PARVG: variants seen among roughly 807,000 people sequenced by gnomAD.
PARVG encodes gamma-parvin.
Under a neutral mutation model 44.4 loss-of-function variants are expected in PARVG, and 36 were observed. That is an observed-to-expected ratio of 0.81 (90% CI 0.62 to 1.07). PARVG has a LOEUF of 1.07. PARVG is among the 50% of genes least tolerant of loss of function. The pLI is 0.00. For missense variants in PARVG, 407 were observed against 407.4 expected, an observed-to-expected ratio of 1.00 and a Z score of 0.01; for synonymous variants, 170 against 174.1, an observed-to-expected ratio of 0.98 and a Z score of 0.19.
chr22:44,201,416 A>G (rs1000462520), intron 12 of PARVG, among the ~76,000 whole-genome samples: 5 of 151,992 alleles, frequency 3.3e-5, no homozygotes, highest in Non-Finnish European at 1.5e-5. Context: ...TGCCGCCCGC[A>G]GCCTGCCATG....
chr22:44,178,387 AG>A (rs1487735808), upstream of PARVG, among the ~76,000 whole-genome samples: 1 of 152,204 alleles, frequency 6.6e-6, no homozygotes, highest in African/African-American at 2.4e-5. Context: ...ACCCAGACAG[AG>A]CCAGGTCTCA....
intron 6 of PARVG, among the ~76,000 whole-genome samples, chr22:44,190,266 GGTT>G (rs1164225747): frequency 6.6e-6 from 1 of 152,206 alleles, no homozygotes; most frequent in Non-Finnish European, 1.5e-5. Flanking sequence ...GAGGTCACTT[GGTT>G]GTTTCCGATT....
chr22:44,181,122 C>A lies in PARVG; in HGVS notation c.-252C>A. 3 of 457,924 alleles carry A rather than the reference C, an allele frequency of 6.6e-6. No homozygotes were observed. Among genetic ancestry groups the A allele is most frequent in the Non-Finnish European group, 8.6e-6 (3 of 347,662 alleles). 28.4% of individuals were successfully genotyped at this position (457,924 alleles called of 1,614,324 possible). On this transcript the variant is annotated 5_prime_UTR_variant, in exon 1 of 14. Transcript: ENST00000444313. ...TGGAAAGCCTTCCCGATCCCCTTGG[C>A]AACAACCACCACCAATATTTATTCA...
Position 44,190,597 on chromosome 22 carries a change from C to T in PARVG, c.435C>T (p.Ala145=). Residue 145 remains alanine (A), a synonymous_variant, in exon 7 of 14, where the codon GCC becomes GCT. Coordinates refer to ENST00000444313, the MANE Select transcript of PARVG (RefSeq NM_022141.7). ...DLLSTLHLLV[A]LAKRFQPDLS... is the part of the protein sequence containing the mutation. Reference sequence around the variant, plus strand: ...TGTCTACCCTGCACCTCCTTGTGGCCCTGGCCAAGCGCTTCCAGCCCGACC... The same window carrying T: ...TGTCTACCCTGCACCTCCTTGTGGCTCTGGCCAAGCGCTTCCAGCCCGACC... 6.2e-7 allele frequency: 1 copy of T among 1,614,158 alleles called. No individual in the cohort carries two copies. Among genetic ancestry groups the T allele is most frequent in the South Asian group, 1.1e-5 (1 of 91,084 alleles).
chr22:44,198,713 TG>T lies in PARVG; in HGVS notation c.805del (p.Ala269GlnfsTer14). ...KEFYLTPNSP[A>X]EMLHNVTLAL... ...AATTCTACCTCACTCCCAACTCTCC[TG>T]CAGAAATGGTAAGTTTTCCAAGGAT... On this transcript the variant is annotated frameshift_variant, in exon 12 of 14. Coordinates refer to ENST00000444313, the MANE Select transcript of PARVG (RefSeq NM_022141.7). LOFTEE classifies it high-confidence loss of function. The T allele has an allele frequency of 6.2e-7, 1 of 1,608,846 alleles. No individual in the cohort carries two copies.
In PARVG at chr22:44,181,727, C is replaced by G; in HGVS notation, c.-188-15C>G. On this transcript the variant is annotated splice_polypyrimidine_tract_variant and intron_variant, in intron 1 of 13. Transcript: ENST00000444313. ...TCACTTTCACGGCATCCACCCCCCTCGGGCCCTGCCGCAGAGAGGAGGAAG... is the reference window on the plus strand; with the variant it reads ...TCACTTTCACGGCATCCACCCCCCTGGGGCCCTGCCGCAGAGAGGAGGAAG... 4 of 985,388 alleles carry G rather than the reference C, an allele frequency of 4.1e-6. No individual in the cohort carries two copies. The highest frequency in any genetic ancestry group is 4.8e-6 in the Non-Finnish European group (4 of 829,940). The allele number at this position is 985,388 out of a possible 1,614,324, so 61.0% of individuals were successfully genotyped here. A position where few individuals can be genotyped will look rare whatever the true frequency, so the allele number is the denominator to read the frequency against.
At chr22:44,190,765 AC>A in intron 7 of PARVG, 99 bp downstream of exon 7, 2 of 1,013,078 alleles carry the variant, frequency 2.0e-6, no homozygotes, top group African/African-American at 1.6e-5. Flanking sequence ...GGCGGGGCTG[AC>A]CCAGGGTGAG....
rs1455326359 is a variant in PARVG at position 44,189,120 on chromosome 22, T to G, written c.254T>G (p.Leu85Arg). 1.9e-6 allele frequency: 3 copies of G among 1,613,670 alleles called. No individual in the cohort carries two copies. Among genetic ancestry groups the G allele is most frequent in the Non-Finnish European group, 2.5e-6 (3 of 1,179,978 alleles). The change falls in exon 6 of 14, where the codon CTG (leucine) becomes CGG (arginine). Residue 85 changes from leucine to arginine, a missense_variant. Physicochemically the swap from Leu to Arg is moderately radical, Grantham distance 102. Coordinates refer to ENST00000444313, the MANE Select transcript of PARVG (RefSeq NM_022141.7). ...GLILHHLFQR[L>R]AALKLEAEDI... ...CACCCTCTCCTGCCTCCAGAGAGGC[T>G]GGCGGCGCTCAAGCTGGAAGCAGAG... is the stretch of plus-strand genomic sequence containing the variant.
chr22:44,180,878 C>T, upstream of PARVG: 1 of 983,762 alleles, frequency 1.0e-6, no homozygotes, highest in Non-Finnish European at 1.2e-6. Context: ...TCCCAGTCAC[C>T]TGTTGCTAGG....
chr22:44,190,623 T>G lies in PARVG; in HGVS notation c.461T>G (p.Leu154Arg). 1.9e-6 allele frequency: 3 copies of G among 1,614,072 alleles called. No individual in the cohort carries two copies. The highest frequency in any genetic ancestry group is 2.5e-6 in the Non-Finnish European group (3 of 1,179,992). The change falls in exon 7 of 14, where the codon CTC becomes CGC. Residue 154 changes from leucine (L) to arginine (R), a missense_variant. Leu to Arg is a moderately radical substitution (Grantham distance 102). Transcript: ENST00000444313. ...VALAKRFQPDLSLPTNVQVEV... is the reference protein window; with the variant it reads ...VALAKRFQPDRSLPTNVQVEV... ...CTGGCCAAGCGCTTCCAGCCCGACC[T>G]CTCCCTCCCAACCAACGTCCAGGTG...
Position 44,196,201 on chromosome 22 carries a change from C to T in PARVG, c.630C>T (p.Asn210=), listed in dbSNP as rs369746491. Residue 210 remains asparagine, a synonymous_variant, in exon 10 of 14, where the codon AAC becomes AAT. Coordinates refer to ENST00000444313, the MANE Select transcript of PARVG (RefSeq NM_022141.7). ...TTAAGCTGGCTCCGGAGAAAGTGAA[C>T]GCAGTGAAAGAGGTAGGAGAGATCA... The part of the protein sequence containing the change: ...ELFKLAPEKV[N]AVKEAIVNFV... 5.1e-5 allele frequency: 83 copies of T among 1,614,070 alleles called. No homozygotes were observed. The highest frequency in any genetic ancestry group is 4.5e-4 in the South Asian group (41 of 91,088).
At chr22:44,190,977 C>G (rs962911478) in intron 7 of PARVG, among the ~76,000 whole-genome samples, 4 of 152,228 alleles carry the variant, frequency 2.6e-5, no homozygotes, top group Non-Finnish European at 4.4e-5. Context: ...CAGGCCATAT[C>G]CCTGAGCCAT....
chr22:44,204,408 G>C (rs1221997515), intron 12 of PARVG, among the ~76,000 whole-genome samples: 2 of 152,218 alleles, frequency 1.3e-5, no homozygotes, highest in Non-Finnish European at 2.9e-5. Flanking sequence ...TATCATCCCC[G>C]TGACACAGAT....
chr22:44,202,615 T>G (rs1338957813), intron 12 of PARVG, among the ~76,000 whole-genome samples: 2 of 152,242 alleles, frequency 1.3e-5, no homozygotes, highest in African/African-American at 4.8e-5. Flanking sequence ...GAATGAATTT[T>G]TACAGCATAT....
In PARVG at chr22:44,183,969, A is replaced by G. The variant is rs958828962; in HGVS notation, c.79+561A>G. On this transcript the variant is annotated intron_variant, in intron 3 of 13. Coordinates refer to ENST00000444313, the MANE Select transcript of PARVG (RefSeq NM_022141.7). ...GTGGGTCCCTTTCAAAAGTGGGGTG[A>G]GCATAGGATGGAGCAATTCAACGAC... is the stretch of plus-strand genomic sequence containing the variant. 4 of 218,248 alleles carry G rather than the reference A, an allele frequency of 1.8e-5. No homozygotes were observed. In the Admixed American group the frequency reaches 2.3e-4, roughly 13 times the overall value. 13.5% of individuals were successfully genotyped at this position (218,248 alleles called of 1,614,324 possible). A position where few individuals can be genotyped will look rare whatever the true frequency, so the allele number is the denominator to read the frequency against.
At chr22:44,180,734 C>G (rs1172310081), upstream of PARVG, among the ~76,000 whole-genome samples, 14 of 152,246 alleles carry the variant, frequency 9.2e-5, no homozygotes. Context: ...GCAACAATAC[C>G]AGTACTAAGT....
chr22:44,178,246 A>G (rs2054337327), upstream of PARVG, among the ~76,000 whole-genome samples: 2 of 152,198 alleles, frequency 1.3e-5, no homozygotes, highest in Admixed American at 6.5e-5. Context: ...TTGAAACTAT[A>G]TAAAAGTAAA....
At position 44,182,983 on chromosome 22, in the gene PARVG, T is replaced by TGG. The variant is rs139128; in HGVS notation, c.-12-330_-12-329dup. Reference sequence around the variant, plus strand: ...CTACTTTGTCCTGTCTGGGATAGGGTGGGGGGTCCCTGGGTAGGGGGCTGG... The same window carrying TGG: ...CTACTTTGTCCTGTCTGGGATAGGGTGGGGGGGGTCCCTGGGTAGGGGGCTGG... On this transcript the variant is annotated intron_variant, in intron 2 of 13. Transcript: ENST00000444313. This position sits in a 1 kb window ranked among gnomAD's most constrained non-coding sequence, Gnocchi z 4.6. 3.4e-5 allele frequency: 11 copies of TGG among 324,538 alleles called. No homozygotes were observed. Among genetic ancestry groups the TGG allele is most frequent in the East Asian group, 1.7e-4 (2 of 12,102 alleles). 20.1% of individuals were successfully genotyped at this position (324,538 alleles called of 1,614,324 possible). A position where few individuals can be genotyped will look rare whatever the true frequency, so the allele number is the denominator to read the frequency against.
chr22:44,175,917 G>T (rs2054314904), intron 1 of PARVG, among the ~76,000 whole-genome samples: 1 of 152,202 alleles, frequency 6.6e-6, no homozygotes, highest in African/African-American at 2.4e-5. Flanking sequence ...TGGCCATGTG[G>T]CTGGTCCTAA....
Sources: allele counts gnomAD v4.1 joint callset (sites outside exome capture counted in the v4.1 genomes callset), GRCh38; gene constraint gnomAD v4.1.1; non-coding constraint Gnocchi (gnomAD v3.1); transcripts MANE v1.5; gene names NCBI Gene and HGNC (gene_info 2026-07-23, HGNC 2026-07-21).